C4orf51: variants seen among roughly 807,000 people sequenced by gnomAD.
C4orf51 encodes the protein uncharacterized protein C4orf51.
In C4orf51, 25 loss-of-function variants were observed where a neutral mutation model predicts 25.2. The observed-to-expected ratio is 0.99, with a 90% confidence interval of 0.72 to 1.39. The LOEUF (loss-of-function observed/expected upper bound fraction) is 1.39, where lower values mean the gene tolerates loss of function less well. Ranked by LOEUF, C4orf51 falls within the 40% of genes most tolerant of loss-of-function variation. The pLI is 0.00. For missense variants in C4orf51, 252 were observed against 239.6 expected (o/e 1.05, Z -0.34); for synonymous variants, 100 against 84.5 (o/e 1.18, Z -1.01).
the C4orf51 span, among the ~76,000 whole-genome samples, chr4:145,786,830 T>A: frequency 6.6e-6 from 1 of 152,114 alleles, no homozygotes; most frequent in African/African-American, 2.4e-5. Flanking sequence ...TTTTTCAGAG[T>A]CATTTCAATT....
chr4:145,716,486 C>T (rs1290833487), intron 2 of C4orf51, among the ~76,000 whole-genome samples: 2 of 152,224 alleles, frequency 1.3e-5, no homozygotes, highest in Non-Finnish European at 2.9e-5. Context: ...AAGGGAACAG[C>T]TGGCCATTCT....
intron 1 of C4orf51, among the ~76,000 whole-genome samples, chr4:145,739,712 C>T (rs549022736): frequency 1.3e-5 from 2 of 152,322 alleles, no homozygotes; most frequent in East Asian, 3.9e-4. Flanking sequence ...GCTTTTTCCT[C>T]TACTTCTAAT....
At chr4:145,684,445 G>A (rs779647867) in intron 1 of C4orf51, among the ~76,000 whole-genome samples, 5 of 152,146 alleles carry the variant, frequency 3.3e-5, no homozygotes, top group Non-Finnish European at 5.9e-5. Flanking sequence ...TCATGCCACT[G>A]CACTCCAGCC....
chr4:145,779,872 T>C, the C4orf51 span, among the ~76,000 whole-genome samples: 2,762 of 152,352 alleles, frequency 0.018, 41 homozygotes, highest in Middle Eastern at 0.031. Context: ...TCCAGAAATG[T>C]AGGCTCTTGC....
intron 2 of C4orf51, among the ~76,000 whole-genome samples, chr4:145,712,240 C>T (rs1055504884): frequency 6.6e-6 from 1 of 152,166 alleles, no homozygotes; most frequent in African/African-American, 2.4e-5. Flanking sequence ...GGAAGAATCA[C>T]ATATTTCTTA....
chr4:145,705,454 T>A (rs949676076), intron 2 of C4orf51, among the ~76,000 whole-genome samples: 1 of 152,110 alleles, frequency 6.6e-6, no homozygotes, highest in South Asian at 2.1e-4. Context: ...ACTAGCTACC[T>A]ACTGTAACAT....
At chr4:145,774,296 G>A (rs1736703643), downstream of C4orf51, among the ~76,000 whole-genome samples, 1 of 152,184 alleles carries the variant, frequency 6.6e-6, no homozygotes, top group South Asian at 2.1e-4. Context: ...GAACTTGGGA[G>A]TCTTTCAGAG....
chr4:145,759,463 G>T (rs1052060286), intron 1 of C4orf51: 1 of 152,104 alleles, frequency 6.6e-6, no homozygotes, highest in Non-Finnish European at 1.5e-5. Flanking sequence ...TCTACCAGGC[G>T]TTAACAAAAT....
intron 1 of C4orf51, among the ~76,000 whole-genome samples, chr4:145,743,533 A>G (rs1295976358): frequency 1.3e-5 from 2 of 152,236 alleles, no homozygotes; most frequent in African/African-American, 4.8e-5. Context: ...TCTTCAAGGT[A>G]CTGTCTCTCA....
At position 145,690,440 on chromosome 4, in the gene C4orf51, G is replaced by A. The variant is rs554347017; in HGVS notation, c.234-6119G>A. Among the ~76,000 whole-genome samples the A allele has an allele frequency of 3.3e-5, 5 of 152,232 alleles. No homozygotes were observed. In the South Asian group the frequency reaches 1.0e-3, roughly 32 times the overall value. On this transcript the variant is annotated intron_variant, in intron 1 of 5. Transcript: ENST00000438731. ...GAATGGCGTGAACCCGGGAGGCAGA[G>A]CTTGCAGTGAGCGAGATGGCGCCAC...
At chr4:145,753,663 G>A (rs1185002961) in intron 1 of C4orf51, among the ~76,000 whole-genome samples, 1 of 152,078 alleles carries the variant, frequency 6.6e-6, no homozygotes, top group Non-Finnish European at 1.5e-5. Flanking sequence ...CCCCTTTCAT[G>A]GTGAGTTTGG....
Position 145,762,972 on chromosome 4 carries a change from C to A in C4orf51, n.167-8016C>A. 3 of 1,004,748 alleles carry A rather than the reference C, an allele frequency of 3.0e-6. No homozygotes were observed. The highest frequency in any genetic ancestry group is 2.9e-6 in the Non-Finnish European group (2 of 689,978). 62.2% of individuals were successfully genotyped at this position (1,004,748 alleles called of 1,614,324 possible). A position where few individuals can be genotyped will look rare whatever the true frequency, so the allele number is the denominator to read the frequency against. ...AGTGCACCGTGCACGGCCTCCTCAG[C>A]GCCAAGCTCGCCGTTAGCCTTTGAA... On this transcript the variant is annotated intron_variant and non_coding_transcript_variant, in intron 1 of 1. Transcript: ENST00000510096. The surrounding 1 kb of genome is among the most constrained non-coding windows in gnomAD (Gnocchi z 4.9).
chr4:145,773,191 A>G (rs754680198), downstream of C4orf51, among the ~76,000 whole-genome samples: 1 of 152,210 alleles, frequency 6.6e-6, no homozygotes, highest in Non-Finnish European at 1.5e-5. Context: ...AGAAATGCTG[A>G]ATTTAATTTG....
chr4:145,707,780 A>G (rs1357158257), intron 2 of C4orf51, among the ~76,000 whole-genome samples: 2 of 152,188 alleles, frequency 1.3e-5, no homozygotes, highest in African/African-American at 4.8e-5. Flanking sequence ...TGCTCAGAGA[A>G]GGAGATTAGC....
chr4:145,695,434 GT>G (rs549041859), intron 1 of C4orf51, among the ~76,000 whole-genome samples: 129 of 151,800 alleles, frequency 8.5e-4, no homozygotes, highest in Non-Finnish European at 1.5e-3. Flanking sequence ...GGGATTGTTT[GT>G]TTTTTTTCTT....
At position 145,764,097 on chromosome 4, in the gene C4orf51, GT is replaced by G. The variant is rs144945087; in HGVS notation, n.167-6885del. On this transcript the variant is annotated intron_variant and non_coding_transcript_variant, in intron 1 of 1. Coordinates refer to the C4orf51 transcript ENST00000510096. ...TGACGAACATGTTTTAAAACAAAAG[GT>G]TTTTTCCCCCTTGTGTTAAGTAAAA... 4.3e-4 allele frequency among the ~76,000 whole-genome samples: 66 copies of G among 152,258 alleles called. 1 individual carries two copies. In the East Asian group the frequency reaches 8.3e-3, roughly 19 times the overall value.
chr4:145,715,858 T>A (rs2126736469), intron 2 of C4orf51, among the ~76,000 whole-genome samples: 1 of 152,296 alleles, frequency 6.6e-6, no homozygotes, highest in African/African-American at 2.4e-5. Flanking sequence ...AAAGCAAACA[T>A]TTTTGTCTTT....
At position 145,703,990 on chromosome 4, in the gene C4orf51, C is replaced by T. The variant is rs142262759; in HGVS notation, c.307+7358C>T. ...CCACGGGAGCCTTCAGAATAAAAGC[C>T]CAACTTCCCAATGAGTTACGGAAAC... On this transcript the variant is annotated intron_variant, in intron 2 of 5. Transcript: ENST00000438731. Among the ~76,000 whole-genome samples the T allele has an allele frequency of 2.6e-5, 4 of 152,168 alleles. No individual in the cohort carries two copies. The East Asian group carries it at 7.7e-4, about 29-fold the overall frequency.
intron 2 of C4orf51, among the ~76,000 whole-genome samples, 169 bp downstream of exon 2, chr4:145,696,801 G>C (rs112227902): frequency 8.1e-4 from 123 of 152,244 alleles, no homozygotes; most frequent in African/African-American, 2.8e-3. Flanking sequence ...AGGAGGCCAA[G>C]GTGGGCGGAT....
Sources: allele counts gnomAD v4.1 joint callset (sites outside exome capture counted in the v4.1 genomes callset), GRCh38; gene constraint gnomAD v4.1.1; non-coding constraint Gnocchi (gnomAD v3.1); transcripts MANE v1.5; gene names NCBI Gene and HGNC (gene_info 2026-07-23, HGNC 2026-07-21).